SCN9A: variants seen among roughly 807,000 people sequenced by gnomAD.
SCN9A encodes sodium channel protein type 9 subunit alpha.
Under a neutral mutation model 187.0 loss-of-function variants are expected in SCN9A, and 131 were observed. The ratio of observed to expected loss-of-function variants is 0.70; its 90% CI spans 0.61 to 0.81. The LOEUF is 0.81. SCN9A is among the 30% of genes least tolerant of loss of function. The pLI, the probability that SCN9A is intolerant of heterozygous loss-of-function variation, is 0.00. For missense variants in SCN9A, 2,252 were observed against 2,396.6 expected, an observed-to-expected ratio of 0.94 and a Z score of 1.26; for synonymous variants, 809 against 808.6, an observed-to-expected ratio of 1.00 and a Z score of -0.01.
At chr2:166,288,846 T>G (rs13402540) in intron 9 of SCN9A, among the ~76,000 whole-genome samples, 58,065 of 151,968 alleles carry the variant, frequency 0.38, 11,179 homozygotes, top group Non-Finnish European at 0.4. Context: ...ATGCTTGTAC[T>G]AAAGTCATGT....
At chr2:166,222,959 A>AAAAAAAAAAAAAAAAAAAAAAAAAC (rs1558960927) in intron 24 of SCN9A, among the ~76,000 whole-genome samples, 1 of 146,912 alleles carries the variant, frequency 6.8e-6, no homozygotes, top group Non-Finnish European at 1.5e-5. Flanking sequence ...AAAAAAAAAA[A>AAAAAAAAAAAAAAAAAAAAAAAAAC]AAAAAAAAAA....
chr2:166,268,446 GT>G (rs548554217), intron 17 of SCN9A, among the ~76,000 whole-genome samples: 17 of 151,936 alleles, frequency 1.1e-4, no homozygotes, highest in African/African-American at 3.9e-4. Flanking sequence ...AAAAATAAAA[GT>G]TGCAAAAGAG....
chr2:166,200,960 A>G (rs765985190), intron 26 of SCN9A, among the ~76,000 whole-genome samples: 8 of 152,148 alleles, frequency 5.3e-5, no homozygotes, highest in Non-Finnish European at 1.0e-4. Flanking sequence ...TTTACTTTAT[A>G]TGTCATGGAG....
chr2:166,243,256 T>C (rs1695643591), intron 18 of SCN9A, among the ~76,000 whole-genome samples: 1 of 152,054 alleles, frequency 6.6e-6, no homozygotes, highest in Non-Finnish European at 1.5e-5. Context: ...TTGAAAATTG[T>C]ACTTAAAAAT....
chr2:166,332,895 C>A (rs867852061), intron 1 of SCN9A, among the ~76,000 whole-genome samples: 2 of 151,678 alleles, frequency 1.3e-5, no homozygotes, highest in African/African-American at 2.4e-5. Context: ...TAACTTACTA[C>A]AATAAAACAA....
rs539547053 is a variant in SCN9A, at chr2:166,355,789, A to T, written c.-51+19908T>A. The stretch of plus-strand genomic sequence containing the variant: ...TGGGAAACATAGGCCTAGAAATGAG[A>T]TTTTTTTTTTTTTTTGACAGATTCT... On this transcript the variant is annotated intron_variant, in intron 1 of 26. Transcript: ENST00000642356. Among the ~76,000 whole-genome samples the T allele has an allele frequency of 5.2e-4, 76 of 146,124 alleles. No homozygotes were observed. In the East Asian group the frequency reaches 0.013, roughly 25 times the overall value.
At chr2:166,229,061 A>G in intron 21 of SCN9A, 89 bp from the exon 22 acceptor site, 1 of 1,087,290 alleles carries the variant, frequency 9.2e-7, no homozygotes, top group Non-Finnish European at 1.3e-6. Context: ...ACATAAATAA[A>G]TTAGAAAAGC....
At chr2:166,321,750 A>T (rs910015238) in intron 1 of SCN9A, among the ~76,000 whole-genome samples, 1 of 151,050 alleles carries the variant, frequency 6.6e-6, no homozygotes, top group African/African-American at 2.4e-5. Flanking sequence ...AGCATCATTC[A>T]TGTCACTTAT....
At chr2:166,370,235 A>AATCATCATCATCATC (rs58078583) in intron 1 of SCN9A, among the ~76,000 whole-genome samples, 22 of 137,160 alleles carry the variant, frequency 1.6e-4, no homozygotes, top group African/African-American at 5.3e-4. Context: ...TAATAATAAT[A>AATCATCATCATCATC]ATCATCATCA....
chr2:166,305,851 T>G lies in SCN9A; in HGVS notation c.537A>C (p.Gly179=). ...ACGGGTCACGAAGAAAAGTGAATTCTCCTACACAGAAGCCTCTTGCAAGGA... is the reference window on the plus strand; with the variant it reads ...ACGGGTCACGAAGAAAAGTGAATTCGCCTACACAGAAGCCTCTTGCAAGGA... ...VKILARGFCV[G]EFTFLRDPWN... Residue 179 remains glycine (G), a synonymous_variant, in exon 5 of 27, where the codon GGA becomes GGC. Transcript: ENST00000642356. 1 of 1,613,388 alleles carries G rather than the reference T, an allele frequency of 6.2e-7. No homozygotes were observed. The highest frequency in any genetic ancestry group is 8.5e-7 in the Non-Finnish European group (1 of 1,179,578).
At chr2:166,210,944 C>T (rs1694062595) in intron 24 of SCN9A, among the ~76,000 whole-genome samples, 1 of 151,974 alleles carries the variant, frequency 6.6e-6, no homozygotes, top group Admixed American at 6.6e-5. Flanking sequence ...GCCTATAATC[C>T]CAGCTACTCG....
chr2:166,286,246 A>G, intron 11 of SCN9A, 90 bp downstream of exon 11: 1 of 1,241,770 alleles, frequency 8.1e-7, no homozygotes, highest in East Asian at 2.3e-5. Context: ...ATCACTCACT[A>G]TCCTCTCCCG....
At chr2:166,345,335 C>A (rs547913013) in intron 1 of SCN9A, among the ~76,000 whole-genome samples, 1 of 152,092 alleles carries the variant, frequency 6.6e-6, no homozygotes, top group East Asian at 1.9e-4. Flanking sequence ...AAAGCAGCTA[C>A]CCTGTGCTAC....
chr2:166,237,342 C>T (rs1206300656), intron 20 of SCN9A, among the ~76,000 whole-genome samples: 3 of 151,868 alleles, frequency 2.0e-5, no homozygotes, highest in African/African-American at 7.3e-5. Flanking sequence ...AATATTTCTA[C>T]TTCGTTAAAA....
At chr2:166,266,172 T>C (rs1042361657) in intron 17 of SCN9A, among the ~76,000 whole-genome samples, 1 of 151,964 alleles carries the variant, frequency 6.6e-6, no homozygotes, top group African/African-American at 2.4e-5. Flanking sequence ...CCCTGTTTTT[T>C]TTCTTCTCTA....
At chr2:166,347,929 G>T (rs566932278) in intron 1 of SCN9A, among the ~76,000 whole-genome samples, 2 of 152,116 alleles carry the variant, frequency 1.3e-5, no homozygotes, top group Non-Finnish European at 2.9e-5. Context: ...GGATCGGAGT[G>T]CCAGATAAAA....
rs796309254 is a variant in SCN9A at position 166,329,691 on chromosome 2, G to A, written c.-50-17885C>T. Among the ~76,000 whole-genome samples the A allele has an allele frequency of 6.6e-5, 10 of 152,148 alleles. 1 individual carries two copies. Among genetic ancestry groups the A allele is most frequent in the African/African-American group, 2.4e-4 (10 of 41,508 alleles). ...GTCCTCTAGGGCTTACAGTCTGTTG[G>A]GGAAAACCAGCAGGTAAACAATTAC... On this transcript the variant is annotated intron_variant, in intron 1 of 26. Transcript: ENST00000642356.
intron 1 of SCN9A, among the ~76,000 whole-genome samples, chr2:166,334,043 C>T (rs1574936843): frequency 6.6e-6 from 1 of 152,026 alleles, no homozygotes; most frequent in East Asian, 1.9e-4. Context: ...ATATGGAATG[C>T]TATGAGCAAG....
rs199848927 is a variant in SCN9A at position 166,197,067 on chromosome 2, A to T, written c.*1605T>A. On this transcript the variant is annotated 3_prime_UTR_variant, in exon 27 of 27. Transcript: ENST00000642356. Reference sequence around the variant, plus strand: ...ATTTATTATATAAATGTAATTTATTATTTTTTAAATATGGAAAGCAAATTA... The same window carrying T: ...ATTTATTATATAAATGTAATTTATTTTTTTTTAAATATGGAAAGCAAATTA... 7.6e-6 allele frequency: 1 copy of T among 131,064 alleles called. No individual in the cohort carries two copies. Among genetic ancestry groups the T allele is most frequent in the Non-Finnish European group, 1.8e-5 (1 of 56,062 alleles). The allele number at this position is 131,064 out of a possible 1,614,324, so 8.1% of individuals were successfully genotyped here. A position where few individuals can be genotyped will look rare whatever the true frequency, so the allele number is the denominator to read the frequency against.
Sources: gnomAD v4.1 joint callset for allele counts (sites outside exome capture counted in the v4.1 genomes callset) on GRCh38, gnomAD v4.1.1 for gene constraint, MANE v1.5 for transcripts, NCBI Gene and HGNC (gene_info 2026-07-23, HGNC 2026-07-21) for gene names.